Variants in AGAP1 observed in about 807,000 individuals in gnomAD.
AGAP1 encodes ArfGAP with GTPase domain, ankyrin repeat and PH domain 1.
In AGAP1, 29 loss-of-function variants were observed where a neutral mutation model predicts 105.3. The observed-to-expected ratio is 0.28, with a 90% CI of 0.21 to 0.38. The LOEUF (loss-of-function observed/expected upper bound fraction) is 0.38, where lower values mean the gene tolerates loss of function less well. Ranked by LOEUF, AGAP1 falls within the 10% of genes least tolerant of loss-of-function variation. The pLI is 1.00. For synonymous variants in AGAP1, 509 were observed against 485.9 expected (o/e 1.05, Z -0.63); for missense variants, 998 against 1,165.1 (o/e 0.86, Z 2.09).
chr2:236,088,013 A>T (rs965135829), intron 16 of AGAP1, among the ~76,000 whole-genome samples: 2 of 152,122 alleles, frequency 1.3e-5, no homozygotes, highest in African/African-American at 4.8e-5. Flanking sequence ...CAGTTTGTTG[A>T]TGGCTATCTG....
At chr2:235,899,235 G>T (rs781303107) in intron 10 of AGAP1, among the ~76,000 whole-genome samples, 1 of 152,156 alleles carries the variant, frequency 6.6e-6, no homozygotes, top group African/African-American at 2.4e-5. Flanking sequence ...CTGTTTGGCC[G>T]GGCGCGGTGG....
At chr2:235,913,479 C>G (rs527364148) in intron 11 of AGAP1, among the ~76,000 whole-genome samples, 1 of 151,712 alleles carries the variant, frequency 6.6e-6, no homozygotes, top group Non-Finnish European at 1.5e-5. Context: ...CATATGTTGC[C>G]TTTGTTGTAG....
rs1228374608 is a variant in AGAP1, at chr2:236,003,908, T to C, written c.1646-32653T>C. Among the ~76,000 whole-genome samples, 1 of 152,112 alleles carries C rather than the reference T, an allele frequency of 6.6e-6. No individual in the cohort carries two copies. Among genetic ancestry groups the C allele is most frequent in the East Asian group, 1.9e-4 (1 of 5,188 alleles). ...CTAAATAATACATACATGGTATAGA[T>C]TGATGCATAAAACAGTCAGCCCCTG... On this transcript the variant is annotated intron_variant, in intron 13 of 17. Transcript: ENST00000304032. This position sits in a 1 kb window ranked among gnomAD's most constrained non-coding sequence, Gnocchi z 4.2.
At chr2:235,539,760 G>C (rs1943372595) in intron 1 of AGAP1, among the ~76,000 whole-genome samples, 1 of 152,156 alleles carries the variant, frequency 6.6e-6, no homozygotes, top group Non-Finnish European at 1.5e-5. Context: ...GTTGCTGTGG[G>C]TCCTGGGGTC....
chr2:236,043,735 A>G (rs1389232608), intron 15 of AGAP1, among the ~76,000 whole-genome samples: 1 of 145,352 alleles, frequency 6.9e-6, no homozygotes, highest in Non-Finnish European at 1.5e-5. Context: ...GAAAAAAAAA[A>G]AGTGGGGGGG....
In AGAP1 at chr2:235,569,395, T is replaced by C. The variant is rs1169190714; in HGVS notation, c.163+74546T>C. On this transcript the variant is annotated intron_variant, in intron 1 of 17. Transcript: ENST00000304032. The surrounding 1 kb of genome is among the most constrained non-coding windows in gnomAD (Gnocchi z 5.9). ...AGGTGTCCCCTTGTGTATGTTATCC[T>C]TGAATCTTCCTAGCAGCCTTCCAAA... Among the ~76,000 whole-genome samples the C allele has an allele frequency of 6.6e-6, 1 of 152,204 alleles. No individual in the cohort carries two copies. The highest frequency in any genetic ancestry group is 2.4e-5 in the African/African-American group (1 of 41,456).
At chr2:235,640,176 T>C (rs558259928) in intron 1 of AGAP1, among the ~76,000 whole-genome samples, 5 of 152,252 alleles carry the variant, frequency 3.3e-5, no homozygotes, top group Non-Finnish European at 7.3e-5. Flanking sequence ...TGTTTTCCAC[T>C]AGATTCCCAG....
At chr2:235,909,004 T>A (rs2051445809) in intron 11 of AGAP1, 98 bp downstream of exon 11, 2 of 1,157,550 alleles carry the variant, frequency 1.7e-6, no homozygotes, top group South Asian at 1.6e-5. Context: ...GTGGAGACAG[T>A]AACTATCACA....
At chr2:235,839,055 A>C (rs746337489) in intron 9 of AGAP1, among the ~76,000 whole-genome samples, 2 of 151,948 alleles carry the variant, frequency 1.3e-5, no homozygotes, top group Non-Finnish European at 2.9e-5. Context: ...TAGAACATCA[A>C]CTCTGTCGGA....
At chr2:235,956,092 T>C (rs2053936265) in intron 12 of AGAP1, among the ~76,000 whole-genome samples, 1 of 152,182 alleles carries the variant, frequency 6.6e-6, no homozygotes, top group Non-Finnish European at 1.5e-5. Context: ...CCCAGCCTGC[T>C]CACCCTCACA....
intron 9 of AGAP1, among the ~76,000 whole-genome samples, chr2:235,844,070 C>T (rs560153367): frequency 1.2e-3 from 184 of 152,308 alleles, no homozygotes; most frequent in African/African-American, 4.2e-3. Flanking sequence ...TTGAGTCTGT[C>T]CTCCCCACTG....
At chr2:235,715,456 C>T (rs1426694933) in intron 2 of AGAP1, among the ~76,000 whole-genome samples, 2 of 152,078 alleles carry the variant, frequency 1.3e-5, no homozygotes, top group East Asian at 3.9e-4. Flanking sequence ...GTGAAGCCCT[C>T]CTCAGGTGAA....
intron 6 of AGAP1, among the ~76,000 whole-genome samples, chr2:235,776,401 A>G (rs1955866466): frequency 6.6e-6 from 1 of 152,126 alleles, no homozygotes; most frequent in East Asian, 1.9e-4. Context: ...ATGACCCCAC[A>G]CTGAATCTTT....
At chr2:235,912,505 A>G (rs1575762674) in intron 11 of AGAP1, among the ~76,000 whole-genome samples, 1 of 152,148 alleles carries the variant, frequency 6.6e-6, no homozygotes, top group East Asian at 1.9e-4. Flanking sequence ...TTGTATTTTC[A>G]TTTTTGTATT....
At chr2:235,743,969 C>T (rs1276519724) in intron 4 of AGAP1, among the ~76,000 whole-genome samples, 1 of 152,174 alleles carries the variant, frequency 6.6e-6, no homozygotes, top group Non-Finnish European at 1.5e-5. Context: ...TAGTATATGC[C>T]TGACAGTGTG....
At chr2:235,785,209 T>G (rs1956547498) in intron 6 of AGAP1, among the ~76,000 whole-genome samples, 1 of 152,218 alleles carries the variant, frequency 6.6e-6, no homozygotes, top group African/African-American at 2.4e-5. Flanking sequence ...TCAGTTGTGG[T>G]AGATACATCC....
At position 235,951,412 on chromosome 2, in the gene AGAP1, G is replaced by C. The variant is rs576506804; in HGVS notation, c.1484-17050G>C. Among the ~76,000 whole-genome samples the C allele has an allele frequency of 6.6e-6, 1 of 152,222 alleles. No individual in the cohort carries two copies. The highest frequency in any genetic ancestry group is 1.5e-5 in the Non-Finnish European group (1 of 68,040). On this transcript the variant is annotated intron_variant, in intron 12 of 17. Transcript: ENST00000304032. This position sits in a 1 kb window ranked among gnomAD's most constrained non-coding sequence, Gnocchi z 4.2. ...AGTCATCGTGAGACAGAGTAGCATGGAACTGAAAAATGTGTAGCAGGTTTT... is the reference window on the plus strand; with the variant it reads ...AGTCATCGTGAGACAGAGTAGCATGCAACTGAAAAATGTGTAGCAGGTTTT...
rs151039721 is a variant in AGAP1, at chr2:235,899,287, C to A, written c.1156-9451C>A. ...CAGCACTTTGGGAGGCTGAGGCAGG[C>A]GGATCACTTGAGATCAGGCGTTCAA... On this transcript the variant is annotated intron_variant, in intron 10 of 17. Coordinates refer to ENST00000304032, the MANE Select transcript of AGAP1 (RefSeq NM_001037131.3). Among the ~76,000 whole-genome samples the A allele has an allele frequency of 2.6e-3, 403 of 152,194 alleles. 3 individuals carry two copies. Among genetic ancestry groups the A allele is most frequent in the African/African-American group, 8.9e-3 (368 of 41,538 alleles).
intron 6 of AGAP1, among the ~76,000 whole-genome samples, chr2:235,772,240 C>T (rs541433727): frequency 4.9e-4 from 75 of 152,234 alleles, no homozygotes; most frequent in African/African-American, 1.7e-3. Flanking sequence ...GATCCGCCTG[C>T]GTCAGCCTCC....
Sources: allele counts gnomAD v4.1 joint callset (sites outside exome capture counted in the v4.1 genomes callset), GRCh38; gene constraint gnomAD v4.1.1; non-coding constraint Gnocchi (gnomAD v3.1); transcripts MANE v1.5; gene names NCBI Gene and HGNC (gene_info 2026-07-23, HGNC 2026-07-21).